The following ATP13A3 variants were observed in gnomAD, a reference collection of about 807,000 sequenced individuals.
ATP13A3 encodes the protein ATPase 13A3.
A neutral mutation model predicts 158.1 loss-of-function variants in ATP13A3; 59 were observed. The ratio of observed to expected loss-of-function variants is 0.37; its 90% CI spans 0.30 to 0.46. The LOEUF (loss-of-function observed/expected upper bound fraction) is 0.46, where lower values mean the gene tolerates loss of function less well. Among genes scored for constraint, ATP13A3 ranks in the 20% least tolerant of loss-of-function variants. The pLI, the probability that ATP13A3 is intolerant of heterozygous loss-of-function variation, is 1.00. For missense variants in ATP13A3, 1,166 were observed against 1,525.2 expected (o/e 0.76, Z 3.92); for synonymous variants, 491 against 504.3 (o/e 0.97, Z 0.35).
intron 16 of ATP13A3, 115 bp from the exon 17 acceptor site, chr3:194,439,087 TAAAAAAAATGTATGTCCA>T: frequency 1.7e-6 from 1 of 603,662 alleles, no homozygotes; most frequent in Non-Finnish European, 2.8e-6. Flanking sequence ...TTTCAATAAT[TAAAAAAAATGTATGTCCA>T]AGGAACAAAT....
At chr3:194,428,575 G>T (rs1227788510) in intron 28 of ATP13A3, among the ~76,000 whole-genome samples, 2 of 152,112 alleles carry the variant, frequency 1.3e-5, no homozygotes, top group African/African-American at 4.8e-5. Context: ...GAATGGTTTT[G>T]CTTTTAGAAA....
chr3:194,429,671 T>C lies in ATP13A3; in HGVS notation c.2874+7A>G. Reference sequence around the variant, plus strand: ...GTGTTATCTCTGCACACAATGTTAATACTCACAGAATACAGCAGAGTAACA... The same window carrying C: ...GTGTTATCTCTGCACACAATGTTAACACTCACAGAATACAGCAGAGTAACA... On this transcript the variant is annotated splice_region_variant and intron_variant, in intron 27 of 33. Transcript: ENST00000645319. The C allele has an allele frequency of 6.3e-7, 1 of 1,590,334 alleles. No homozygotes were observed. The highest frequency in any genetic ancestry group is 8.6e-7 in the Non-Finnish European group (1 of 1,159,990).
rs950515947 is a variant in ATP13A3 at position 194,405,708 on chromosome 3, T to C, written c.*211A>G. ...ATATTTGGGTTGCTGAATGAAGATA[T>C]AGGACTTTATGGATTGATTGTTAAT... On this transcript the variant is annotated 3_prime_UTR_variant, in exon 34 of 34. Coordinates refer to ENST00000645319, the MANE Select transcript of ATP13A3 (RefSeq NM_001367549.1). 28 of 543,310 alleles carry C rather than the reference T, an allele frequency of 5.2e-5. No individual in the cohort carries two copies. In the Admixed American group the frequency reaches 5.3e-4, roughly 10 times the overall value. The allele number at this position is 543,310 out of a possible 1,614,324, so 33.7% of individuals were successfully genotyped here. A position where few individuals can be genotyped will look rare whatever the true frequency, so the allele number is the denominator to read the frequency against.
intron 33 of ATP13A3, among the ~76,000 whole-genome samples, chr3:194,406,582 T>C (rs1714951991): frequency 6.6e-6 from 1 of 152,260 alleles, no homozygotes; most frequent in Non-Finnish European, 1.5e-5. Flanking sequence ...GAATATCTAA[T>C]GTATTAAGAA....
At chr3:194,439,897 G>C (rs899511072) in intron 16 of ATP13A3, among the ~76,000 whole-genome samples, 9 of 152,180 alleles carry the variant, frequency 5.9e-5, no homozygotes, top group African/African-American at 2.2e-4. Context: ...GAAAAGCTTA[G>C]AGAAGAACGA....
At chr3:194,454,949 T>C (rs554672379) in intron 8 of ATP13A3, among the ~76,000 whole-genome samples, 1 of 152,344 alleles carries the variant, frequency 6.6e-6, no homozygotes, top group East Asian at 1.9e-4. Context: ...CATCCAAATA[T>C]AGATTCAGCT....
Position 194,405,009 on chromosome 3 carries a change from AG to A in ATP13A3, c.*909del, listed in dbSNP as rs1369985358. 1 of 152,246 alleles carries A rather than the reference AG, an allele frequency of 6.6e-6. No individual in the cohort carries two copies. Among genetic ancestry groups the A allele is most frequent in the African/African-American group, 2.4e-5 (1 of 41,462 alleles). 9.4% of individuals were successfully genotyped at this position (152,246 alleles called of 1,614,324 possible). ...AAAAAAACTATTATCCTATGTCTTT[AG>A]GTAATTGAAAACATAGAAGAAAATT... is the stretch of plus-strand genomic sequence containing the variant. On this transcript the variant is annotated 3_prime_UTR_variant, in exon 34 of 34. Coordinates refer to ENST00000645319, the MANE Select transcript of ATP13A3 (RefSeq NM_001367549.1).
At chr3:194,427,996 G>A (rs545375183) in intron 28 of ATP13A3, among the ~76,000 whole-genome samples, 12 of 152,016 alleles carry the variant, frequency 7.9e-5, no homozygotes, top group Non-Finnish European at 1.2e-4. Flanking sequence ...CGAGGCGGGC[G>A]GACCACTTGA....
chr3:194,473,864 A>T (rs890693290), intron 2 of ATP13A3, among the ~76,000 whole-genome samples: 2 of 152,230 alleles, frequency 1.3e-5, no homozygotes, highest in Non-Finnish European at 2.9e-5. Context: ...ACCAAGATAG[A>T]GCTATGTAAT....
intron 14 of ATP13A3, among the ~76,000 whole-genome samples, chr3:194,445,672 A>G (rs1182994552): frequency 6.6e-6 from 1 of 152,250 alleles, no homozygotes; most frequent in Non-Finnish European, 1.5e-5. Flanking sequence ...AAATAATTGT[A>G]GCAGTATGTG....
chr3:194,492,722 C>T (rs924680519), intron 2 of ATP13A3, among the ~76,000 whole-genome samples: 1 of 152,166 alleles, frequency 6.6e-6, no homozygotes, highest in South Asian at 2.1e-4. Flanking sequence ...TCCAAAAGTG[C>T]TGGGATTACA....
chr3:194,409,881 A>G (rs1001984965), intron 33 of ATP13A3, among the ~76,000 whole-genome samples: 1 of 151,746 alleles, frequency 6.6e-6, no homozygotes, highest in Non-Finnish European at 1.5e-5. Context: ...AGCCACAAAC[A>G]TTAACAGTGA....
At chr3:194,487,100 C>CG (rs964828163), upstream of ATP13A3, 240 of 146,388 alleles carry the variant, frequency 1.6e-3, 1 homozygote, top group African/African-American at 5.6e-3. Context: ...CGGGGAGGGG[C>CG]GGGGCGATTT....
intron 28 of ATP13A3, 55 bp downstream of exon 28, chr3:194,428,788 TAA>T (rs1717003274): frequency 2.3e-6 from 3 of 1,281,424 alleles, no homozygotes; most frequent in Non-Finnish European, 3.3e-6. Context: ...AAAAATTTAA[TAA>T]GTCACATCAG....
intron 15 of ATP13A3, among the ~76,000 whole-genome samples, chr3:194,443,537 T>C (rs1718190760): frequency 6.6e-6 from 1 of 152,118 alleles, no homozygotes; most frequent in Non-Finnish European, 1.5e-5. Context: ...AAAAGAAAGC[T>C]GGTATAGAGC....
chr3:194,484,562 G>A (rs1367820541), intron 2 of ATP13A3, among the ~76,000 whole-genome samples: 3 of 144,778 alleles, frequency 2.1e-5, no homozygotes, highest in Non-Finnish European at 4.4e-5. Context: ...GACGCCCTAT[G>A]GAACTTTATC....
upstream of ATP13A3, among the ~76,000 whole-genome samples, chr3:194,489,588 C>A (rs1202684722): frequency 6.6e-6 from 1 of 152,134 alleles, no homozygotes; most frequent in Non-Finnish European, 1.5e-5. The surrounding 1 kb of genome is among the most constrained non-coding windows in gnomAD (Gnocchi z 4.1). Context: ...GCAGTGTATA[C>A]CTCCAAGCTA....
rs199898845 is a variant in ATP13A3, at chr3:194,437,305, C to T, written c.1999+6G>A. On this transcript the variant is annotated splice_donor_region_variant and intron_variant, in intron 19 of 33. Coordinates refer to ENST00000645319, the MANE Select transcript of ATP13A3 (RefSeq NM_001367549.1). ...AATTGTACCCAAAGCATAGATATTT[C>T]CTTACCTGTTTCAGGTTTACAGAGA... 2,809 of 1,614,178 alleles carry T rather than the reference C, an allele frequency of 1.7e-3. 4 individuals are homozygous for T. Among genetic ancestry groups the T allele is most frequent in the Middle Eastern group, 5.8e-3 (35 of 6,062 alleles).
intron 8 of ATP13A3, 73 bp from the exon 9 acceptor site, chr3:194,454,465 GACAA>G (rs1719050904): frequency 2.8e-6 from 4 of 1,420,942 alleles, no homozygotes; most frequent in Non-Finnish European, 3.9e-6. Context: ...CTTTTCATTT[GACAA>G]ACAAAAAGAT....
Sources: gnomAD v4.1 joint callset for allele counts (sites outside exome capture counted in the v4.1 genomes callset) on GRCh38, gnomAD v4.1.1 for gene constraint, Gnocchi (gnomAD v3.1) non-coding constraint, MANE v1.5 for transcripts, NCBI Gene and HGNC (gene_info 2026-07-23, HGNC 2026-07-21) for gene names.